KLHL22: variants seen among roughly 807,000 people sequenced by gnomAD.
The protein encoded by KLHL22 is kelch-like protein 22.
A neutral mutation model predicts 60.7 loss-of-function variants in KLHL22; 18 were observed. The observed-to-expected ratio is 0.30, with a 90% confidence interval of 0.20 to 0.44. The LOEUF (loss-of-function observed/expected upper bound fraction) is 0.44. Among genes scored for constraint, KLHL22 ranks in the 20% least tolerant of loss-of-function variants. The pLI is 1.00. For missense variants in KLHL22, 596 were observed against 852.3 expected, an observed-to-expected ratio of 0.70 and a Z score of 3.74; for synonymous variants, 355 against 354.5, an observed-to-expected ratio of 1.00 and a Z score of -0.01.
intron 3 of KLHL22, among the ~76,000 whole-genome samples, chr22:20,468,937 T>C (rs1376807198): frequency 6.6e-6 from 1 of 152,122 alleles, no homozygotes; most frequent in East Asian, 1.9e-4. Context: ...ATTACAGGCA[T>C]GAACCTCCAA....
intron 1 of KLHL22, chr22:20,491,834 C>T (rs777120160): frequency 2.6e-5 from 4 of 152,300 alleles, no homozygotes; most frequent in Admixed American, 6.5e-5. Context: ...CCATCAAACA[C>T]ACTCAGTTAT....
intron 4 of KLHL22, among the ~76,000 whole-genome samples, chr22:20,458,661 T>A (rs1332340962): frequency 6.6e-6 from 1 of 151,746 alleles, no homozygotes; most frequent in Non-Finnish European, 1.5e-5. Context: ...CTCATTGGCC[T>A]CCAAGCCTTG....
chr22:20,450,672 C>T (rs549086974), intron 5 of KLHL22: 10 of 1,529,664 alleles, frequency 6.5e-6, no homozygotes, highest in Middle Eastern at 1.7e-4. Context: ...TAATCAAGTG[C>T]GATGAAATTC....
At chr22:20,486,115 C>T (rs924315178) in intron 2 of KLHL22, among the ~76,000 whole-genome samples, 7 of 141,420 alleles carry the variant, frequency 4.9e-5, no homozygotes, top group African/African-American at 7.9e-5. Context: ...TGCAGTGAGC[C>T]GAGATCACAC....
intron 2 of KLHL22, among the ~76,000 whole-genome samples, chr22:20,482,434 G>T: frequency 6.6e-6 from 1 of 152,022 alleles, no homozygotes; most frequent in South Asian, 2.1e-4. Context: ...ACCCAGGCTG[G>T]AGTGCAGTGG....
At position 20,489,084 on chromosome 22, in the gene KLHL22, A is replaced by C. The variant is rs747638996; in HGVS notation, c.128T>G (p.Leu43Arg). Residue 43 changes from leucine to arginine, a missense_variant, in exon 2 of 7, where the codon CTC becomes CGC. By Grantham distance (102) the Leu-to-Arg change is moderately radical. Transcript: ENST00000328879. ...SQALLRGLLA[L>R]RDSGILFDVV... ...ATCGAAGAGGATTCCGCTGTCCCGGAGAGCCAGCAGCCCTCGGAGCAGAGC... is the reference window on the plus strand; with the variant it reads ...ATCGAAGAGGATTCCGCTGTCCCGGCGAGCCAGCAGCCCTCGGAGCAGAGC... The C allele has an allele frequency of 6.2e-7, 1 of 1,614,124 alleles. No homozygotes were observed. The highest frequency in any genetic ancestry group is 8.5e-7 in the Non-Finnish European group (1 of 1,180,020).
At chr22:20,474,726 G>T (rs932958077) in intron 2 of KLHL22, among the ~76,000 whole-genome samples, 1 of 152,200 alleles carries the variant, frequency 6.6e-6, no homozygotes, top group African/African-American at 2.4e-5. Flanking sequence ...TTCTACAGGG[G>T]TATATTTAGG....
chr22:20,488,661 G>C, intron 2 of KLHL22: 1 of 403,276 alleles, frequency 2.5e-6, no homozygotes, highest in Non-Finnish European at 4.6e-6. Context: ...AATAATTACT[G>C]ACGGAGGGGA....
chr22:20,452,472 T>C (rs1390039991), intron 5 of KLHL22, among the ~76,000 whole-genome samples: 1 of 152,140 alleles, frequency 6.6e-6, no homozygotes, highest in Non-Finnish European at 1.5e-5. Flanking sequence ...GGAATGTGAG[T>C]GAACCTAGAA....
chr22:20,458,929 G>GAGAGAATGGA (rs1287378229), intron 4 of KLHL22, among the ~76,000 whole-genome samples: 1 of 152,144 alleles, frequency 6.6e-6, no homozygotes, highest in Non-Finnish European at 1.5e-5. Context: ...AGATTCCAGG[G>GAGAGAATGGA]ACCCCCATGG....
chr22:20,490,268 A>G (rs1323579746), intron 1 of KLHL22, among the ~76,000 whole-genome samples: 1 of 152,252 alleles, frequency 6.6e-6, no homozygotes, highest in East Asian at 1.9e-4. Flanking sequence ...TGTTGGGGAT[A>G]CATTCTGAGA....
chr22:20,446,762 C>T (rs995744653), intron 5 of KLHL22, 86 bp from the exon 6 acceptor site: 5 of 973,588 alleles, frequency 5.1e-6, no homozygotes, highest in Non-Finnish European at 8.1e-6. Flanking sequence ...CACCACCCCA[C>T]ACCTGCCTGA....
intron 2 of KLHL22, 84 bp downstream of exon 2, chr22:20,488,901 A>T: frequency 7.5e-7 from 1 of 1,339,646 alleles, no homozygotes; most frequent in Admixed American, 2.0e-5. Context: ...GCAGGAGACC[A>T]GCCACTGTCA....
chr22:20,458,447 T>G (rs1480290262), intron 4 of KLHL22, among the ~76,000 whole-genome samples: 1 of 134,190 alleles, frequency 7.5e-6, no homozygotes, highest in African/African-American at 2.9e-5. Context: ...CGCCCGCTAT[T>G]TTTTTTTTTT....
chr22:20,447,427 G>A lies in KLHL22; in HGVS notation c.1306-751C>T, dbSNP rs180769967. Among the ~76,000 whole-genome samples, 49 of 152,324 alleles carry A rather than the reference G, an allele frequency of 3.2e-4. 1 individual carries two copies. Among genetic ancestry groups the A allele is most frequent in the South Asian group, 2.7e-3 (13 of 4,830 alleles). On this transcript the variant is annotated intron_variant, in intron 5 of 6. Coordinates refer to ENST00000328879, the MANE Select transcript of KLHL22 (RefSeq NM_032775.4). Reference sequence around the variant, plus strand: ...CAAGTCACTAACACTGAGGCCATGCGGGTGGCAAAAACACAAGAGTCTAGA... The same window carrying A: ...CAAGTCACTAACACTGAGGCCATGCAGGTGGCAAAAACACAAGAGTCTAGA...
chr22:20,465,444 G>A lies in KLHL22; in HGVS notation c.526C>T (p.Leu176Phe), dbSNP rs751967124. The A allele has an allele frequency of 1.3e-5, 21 of 1,614,032 alleles. No homozygotes were observed. The highest frequency in any genetic ancestry group is 2.2e-5 in the East Asian group (1 of 44,886). Residue 176 changes from leucine (L) to phenylalanine (F), a missense_variant, in exon 4 of 7, where the codon CTC becomes TTC. Transcript: ENST00000328879. This position sits in a 1 kb window ranked among gnomAD's most constrained non-coding sequence, Gnocchi z 4.9. Reference sequence around the variant, plus strand: ...CGAGAGAAGGCCACAAAGTTTTTGAGGATATAGGTGTCCAGTTGCTCAGTC... The same window carrying A: ...CGAGAGAAGGCCACAAAGTTTTTGAAGATATAGGTGTCCAGTTGCTCAGTC... ...RLTEQLDTYI[L>F]KNFVAFSRTD...
At position 20,465,262 on chromosome 22, in the gene KLHL22, C is replaced by T; in HGVS notation, c.708G>A (p.Glu236=). Residue 236 remains glutamate, a synonymous_variant, in exon 4 of 7, where the codon GAG becomes GAA. Coordinates refer to ENST00000328879, the MANE Select transcript of KLHL22 (RefSeq NM_032775.4). The surrounding 1 kb of genome is among the most constrained non-coding windows in gnomAD (Gnocchi z 4.9). ...QVQADQISLH[E]PPKLLETVRF... ...GCACTGTCTCAAGGAGCTTTGGGGG[C>T]TCGTGCAGCGAGATCTGGTCAGCCT... 2 of 1,613,954 alleles carry T rather than the reference C, an allele frequency of 1.2e-6. No homozygotes were observed. Among genetic ancestry groups the T allele is most frequent in the South Asian group, 1.1e-5 (1 of 91,072 alleles).
In KLHL22 at chr22:20,465,520, C is replaced by A; in HGVS notation, c.450G>T (p.Glu150Asp). The change falls in exon 4 of 7, where the codon GAG becomes GAT. Residue 150 changes from glutamate to aspartate, a missense_variant. Physicochemically the swap from Glu to Asp is conservative, Grantham distance 45. Transcript: ENST00000328879. The surrounding 1 kb of genome is among the most constrained non-coding windows in gnomAD (Gnocchi z 4.9). ...CCAGCCGGTAGACATCGAGAATGTT[C>A]TCTTCGTCCACCCAGGACATGAGGA... ...CDFLMSWVDEENILDVYRLAE... is the reference protein window; with the variant it reads ...CDFLMSWVDEDNILDVYRLAE... The A allele has an allele frequency of 1.2e-6, 2 of 1,610,148 alleles. No individual in the cohort carries two copies. The highest frequency in any genetic ancestry group is 1.1e-5 in the South Asian group (1 of 90,970).
rs768271934 is a variant in KLHL22, at chr22:20,482,720, GCAC to G, written c.227+6262_227+6264del. ...CCCAAGTAGCTGGGATTACAGGCATGCACCACAACACCTGGCTAATTTTTGTAT... is the reference window on the plus strand; with the variant it reads ...CCCAAGTAGCTGGGATTACAGGCATGCACAACACCTGGCTAATTTTTGTAT... On this transcript the variant is annotated intron_variant, in intron 2 of 6. Transcript: ENST00000328879. 2.8e-5 allele frequency: 17 copies of G among 606,584 alleles called. No individual in the cohort carries two copies. In the East Asian group the frequency reaches 4.8e-4, roughly 17 times the overall value. 37.6% of individuals were successfully genotyped at this position (606,584 alleles called of 1,614,324 possible).
Sources: gnomAD v4.1 joint callset for allele counts (sites outside exome capture counted in the v4.1 genomes callset) on GRCh38, gnomAD v4.1.1 for gene constraint, Gnocchi (gnomAD v3.1) non-coding constraint, MANE v1.5 for transcripts, NCBI Gene and HGNC (gene_info 2026-07-23, HGNC 2026-07-21) for gene names.